Variants in PPHLN1 observed in about 807,000 individuals in gnomAD.
The protein encoded by PPHLN1 is periphilin 1.
Under a neutral mutation model 51.3 loss-of-function variants are expected in PPHLN1, and 29 were observed. The ratio of observed to expected loss-of-function variants is 0.57; its 90% CI spans 0.42 to 0.77. PPHLN1 has a LOEUF of 0.77. Ranked by LOEUF, PPHLN1 falls within the 30% of genes least tolerant of loss-of-function variation. PPHLN1 has a pLI of 0.00. For synonymous variants in PPHLN1, 147 were observed against 147.8 expected (o/e 0.99, Z 0.04); for missense variants, 436 against 438.4 (o/e 0.99, Z 0.05).
intron 1 of PPHLN1, among the ~76,000 whole-genome samples, chr12:42,327,728 C>G (rs1250558459): frequency 6.6e-6 from 1 of 152,170 alleles, no homozygotes; most frequent in Non-Finnish European, 1.5e-5. Flanking sequence ...GTGTTTGTCT[C>G]GTTTATCTTT....
chr12:42,448,395 T>C (rs1336070857), downstream of PPHLN1: 1 of 152,324 alleles, frequency 6.6e-6, no homozygotes, highest in Non-Finnish European at 1.5e-5. Flanking sequence ...AAGTCTAATT[T>C]TAGGATGGAT....
At chr12:42,445,155 C>T (rs1566058581), downstream of PPHLN1, 1 of 701,936 alleles carries the variant, frequency 1.4e-6, no homozygotes, top group African/African-American at 1.7e-5. Flanking sequence ...TTTTATCACA[C>T]ATATTTGAGC....
intron 2 of PPHLN1, among the ~76,000 whole-genome samples, chr12:42,342,768 A>G (rs1246709775): frequency 6.6e-6 from 1 of 152,250 alleles, no homozygotes; most frequent in Non-Finnish European, 1.5e-5. Flanking sequence ...AGCAGCAGGG[A>G]GAACAATATT....
intron 2 of PPHLN1, among the ~76,000 whole-genome samples, chr12:42,341,138 C>T (rs1401605481): frequency 1.3e-5 from 2 of 151,922 alleles, no homozygotes; most frequent in South Asian, 2.1e-4. Flanking sequence ...CCTACCACCA[C>T]GCTTGGCTAT....
In PPHLN1 at chr12:42,425,284, G is replaced by T. The variant is rs1022811409; in HGVS notation, c.910-16031G>T. Among the ~76,000 whole-genome samples, 8 of 143,288 alleles carry T rather than the reference G, an allele frequency of 5.6e-5. No individual in the cohort carries two copies. In the Middle Eastern group the frequency reaches 0.012, roughly 213 times the overall value. The allele number at this position is 143,288 out of a possible 152,430, so 94.0% of individuals were successfully genotyped here. On this transcript the variant is annotated intron_variant, in intron 9 of 9. Coordinates refer to ENST00000358314, the MANE Select transcript of PPHLN1 (RefSeq NM_201439.2). Reference sequence around the variant, plus strand: ...TTTTTTTGTATTTTTAGTAGAGACAGGGTTTCACCATGGCCAGGCTGGTCT... The same window carrying T: ...TTTTTTTGTATTTTTAGTAGAGACATGGTTTCACCATGGCCAGGCTGGTCT...
At chr12:42,350,825 A>G (rs10880294) in intron 2 of PPHLN1, among the ~76,000 whole-genome samples, 92,870 of 151,812 alleles carry the variant, frequency 0.61, 28,598 homozygotes, top group Admixed American at 0.67. Context: ...CCAGTCAGGC[A>G]TGGCGGCGCG....
chr12:42,370,451 A>G (rs2075699111), intron 4 of PPHLN1, among the ~76,000 whole-genome samples: 2 of 149,356 alleles, frequency 1.3e-5, no homozygotes, highest in African/African-American at 2.5e-5. Flanking sequence ...TTTGATGAGA[A>G]CTCTGTTGTA....
intron 4 of PPHLN1, among the ~76,000 whole-genome samples, chr12:42,368,971 A>G (rs2075545447): frequency 6.6e-6 from 1 of 152,152 alleles, no homozygotes; most frequent in South Asian, 2.1e-4. Flanking sequence ...GACGTGCGTA[A>G]TTATTTAGAT....
At position 42,432,188 on chromosome 12, in the gene PPHLN1, T is replaced by C. The variant is rs1029166973; in HGVS notation, c.910-9127T>C. The C allele has an allele frequency of 7.2e-6, 6 of 834,164 alleles. No individual in the cohort carries two copies. The Admixed American group carries it at 1.0e-4, about 14-fold the overall frequency. The allele number at this position is 834,164 out of a possible 1,614,324, so 51.7% of individuals were successfully genotyped here. A position where few individuals can be genotyped will look rare whatever the true frequency, so the allele number is the denominator to read the frequency against. ...CAATGACCAATCACTCAGCTTGTCT[T>C]TACCCTCAGATTCTATTTCAGAGGG... On this transcript the variant is annotated intron_variant, in intron 9 of 9. Coordinates refer to ENST00000358314, the MANE Select transcript of PPHLN1 (RefSeq NM_201439.2).
chr12:42,359,718 G>A (rs369594795), intron 4 of PPHLN1: 3 of 152,214 alleles, frequency 2.0e-5, no homozygotes, highest in South Asian at 2.1e-4. Flanking sequence ...TATTGGTAAT[G>A]TTCTGAGCAG....
intron 5 of PPHLN1, among the ~76,000 whole-genome samples, chr12:42,381,612 AT>A (rs545388159): frequency 1.3e-4 from 20 of 151,978 alleles, no homozygotes; most frequent in Non-Finnish European, 2.5e-4. Flanking sequence ...CTTTTCTCTC[AT>A]TTTTTGGTGT....
intron 5 of PPHLN1, among the ~76,000 whole-genome samples, chr12:42,382,107 G>A (rs778827380): frequency 4.6e-5 from 7 of 151,874 alleles, no homozygotes; most frequent in Non-Finnish European, 8.8e-5. Context: ...ATTTCTTTTC[G>A]CAGGAAAACA....
Position 42,374,885 on chromosome 12 carries a change from A to T in PPHLN1, c.322A>T (p.Arg108Ter). 2 of 1,612,166 alleles carry T rather than the reference A, an allele frequency of 1.2e-6. No homozygotes were observed. The highest frequency in any genetic ancestry group is 1.1e-5 in the South Asian group (1 of 90,704). Residue 108 changes from arginine to a stop codon, truncating the protein, a stop_gained, in exon 5 of 10, where the codon AGA becomes TGA. Transcript: ENST00000358314. LOFTEE classifies it high-confidence loss of function. Reference sequence around the variant, plus strand: ...AAGGGACATGAGAGATGGCTTTAGAAGAAAAAGTTTCTACTCTTCCCATTA... The same window carrying T: ...AAGGGACATGAGAGATGGCTTTAGATGAAAAAGTTTCTACTCTTCCCATTA... ...EYRDMRDGFR[R>*]KSFYSSHYAR... is the part of the protein sequence containing the mutation.
At chr12:42,349,008 A>G (rs940771153) in intron 2 of PPHLN1, among the ~76,000 whole-genome samples, 9 of 152,200 alleles carry the variant, frequency 5.9e-5, no homozygotes, top group Non-Finnish European at 1.2e-4. Context: ...AATTAGTTAG[A>G]TCTTTTAAGC....
At chr12:42,446,955 T>A (rs2083352291), downstream of PPHLN1, 6 of 256,068 alleles carry the variant, frequency 2.3e-5, no homozygotes, top group South Asian at 8.4e-4. Context: ...CAATGTTCAT[T>A]ACTCACAAAT....
chr12:42,328,663 G>A (rs549484163), intron 1 of PPHLN1, among the ~76,000 whole-genome samples: 13 of 152,196 alleles, frequency 8.5e-5, no homozygotes, highest in African/African-American at 2.4e-4. Flanking sequence ...TCCTTAAAGC[G>A]TTGGAAAGTC....
intron 9 of PPHLN1, among the ~76,000 whole-genome samples, chr12:42,437,153 A>G (rs1038494031): frequency 6.6e-6 from 1 of 152,168 alleles, no homozygotes; most frequent in Non-Finnish European, 1.5e-5. Flanking sequence ...GGAGCTCTTC[A>G]TGATCTCGTT....
At chr12:42,376,987 A>C (rs990892280) in intron 5 of PPHLN1, among the ~76,000 whole-genome samples, 1 of 152,038 alleles carries the variant, frequency 6.6e-6, no homozygotes. Context: ...AAGATAAACA[A>C]TCTGTAAGCC....
At chr12:42,388,173 A>G (rs1402354671) in intron 7 of PPHLN1, among the ~76,000 whole-genome samples, 1 of 152,134 alleles carries the variant, frequency 6.6e-6, no homozygotes, top group Non-Finnish European at 1.5e-5. Flanking sequence ...TAAAAGAGGA[A>G]AGCCTCTTGC....
Sources: allele counts gnomAD v4.1 joint callset (sites outside exome capture counted in the v4.1 genomes callset), GRCh38; gene constraint gnomAD v4.1.1; transcripts MANE v1.5; gene names NCBI Gene and HGNC (gene_info 2026-07-23, HGNC 2026-07-21).